The following PTGER3 variants were observed in gnomAD, a reference collection of about 807,000 sequenced individuals.
PTGER3 encodes the protein prostaglandin E receptor 3.
PTGER3 carries 22 observed loss-of-function variants against 34.7 expected under a neutral mutation model. The ratio of observed to expected loss-of-function variants is 0.63; its 90% CI spans 0.45 to 0.91. PTGER3 has a LOEUF of 0.91. Among genes scored for constraint, PTGER3 ranks in the 40% least tolerant of loss-of-function variants. PTGER3 has a pLI of 0.00. For synonymous variants in PTGER3, 241 were observed against 230.1 expected (o/e 1.05, Z -0.43); for missense variants, 468 against 519.4 (o/e 0.90, Z 0.96).
chr1:70,883,173 T>C (rs1017150997), intron 4 of PTGER3, among the ~76,000 whole-genome samples: 3 of 152,218 alleles, frequency 2.0e-5, no homozygotes, highest in Non-Finnish European at 4.4e-5. Context: ...AGTTGAAACT[T>C]GTTGAACATG....
intron 4 of PTGER3, among the ~76,000 whole-genome samples, chr1:70,871,409 A>G (rs1300264663): frequency 1.3e-5 from 2 of 152,290 alleles, no homozygotes; most frequent in South Asian, 2.1e-4. Context: ...GGAGATTACA[A>G]TTCAACATCA....
chr1:70,863,763 G>C lies in PTGER3; in HGVS notation c.*24-10904C>G, dbSNP rs559920703. 5.9e-5 allele frequency among the ~76,000 whole-genome samples: 9 copies of C among 152,060 alleles called. No individual in the cohort carries two copies. In the East Asian group the frequency reaches 1.7e-3, roughly 29 times the overall value. On this transcript the variant is annotated intron_variant, in intron 4 of 4. Transcript: ENST00000370931. ...GGCATTTTGGTAGCAATAACAACCT[G>C]AACGAAGGTAGAAAGGTAGGAAAAC...
At chr1:70,973,928 A>G (rs1418844112) in intron 3 of PTGER3, among the ~76,000 whole-genome samples, 1 of 152,152 alleles carries the variant, frequency 6.6e-6, no homozygotes, top group Non-Finnish European at 1.5e-5. Context: ...TGCTAGCCAT[A>G]TGAGCCATAT....
chr1:70,952,773 C>T, exon 4 of PTGER3: 1 of 1,324,910 alleles, frequency 7.5e-7, no homozygotes, highest in Non-Finnish European at 9.7e-7. Flanking sequence ...ACCTGGCTTG[C>T]TGGTAATCTC....
At chr1:70,884,967 G>A (rs988397819) in intron 4 of PTGER3, among the ~76,000 whole-genome samples, 1 of 151,968 alleles carries the variant, frequency 6.6e-6, no homozygotes, top group Non-Finnish European at 1.5e-5. Context: ...CCTTTATTTG[G>A]GACACAACTC....
chr1:70,961,984 TG>T (rs1354703418), intron 2 of PTGER3, among the ~76,000 whole-genome samples: 1 of 152,212 alleles, frequency 6.6e-6, no homozygotes, highest in Non-Finnish European at 1.5e-5. Context: ...CTTTGCCTTT[TG>T]GGGATTTGTA....
intron 1 of PTGER3, among the ~76,000 whole-genome samples, chr1:71,046,147 T>C (rs1363590184): frequency 1.3e-5 from 2 of 149,916 alleles, no homozygotes; most frequent in Non-Finnish European, 3.0e-5. Context: ...TAGCCGGGCG[T>C]GGTGGCGGGC....
At chr1:71,020,271 A>C (rs1166411979) in intron 1 of PTGER3, among the ~76,000 whole-genome samples, 1 of 152,068 alleles carries the variant, frequency 6.6e-6, no homozygotes, top group South Asian at 2.1e-4. Context: ...CATTAAAAAA[A>C]TTAGTAGAAT....
chr1:71,021,670 G>T lies in PTGER3; in HGVS notation c.898-9186C>A, dbSNP rs1242076605. Among the ~76,000 whole-genome samples the T allele has an allele frequency of 3.3e-5, 5 of 151,688 alleles. No individual in the cohort carries two copies. The East Asian group carries it at 9.6e-4, about 29-fold the overall frequency. On this transcript the variant is annotated intron_variant, in intron 1 of 3. Coordinates refer to ENST00000306666, the MANE Select transcript of PTGER3 (RefSeq NM_198719.2). Reference sequence around the variant, plus strand: ...ATATAGTTTCATTTAAACCCCAAATGTTCAATTTTACTCTCATCCATTCAG... The same window carrying T: ...ATATAGTTTCATTTAAACCCCAAATTTTCAATTTTACTCTCATCCATTCAG...
intron 1 of PTGER3, among the ~76,000 whole-genome samples, chr1:71,036,174 C>T (rs1269232095): frequency 1.3e-5 from 2 of 152,166 alleles, no homozygotes; most frequent in Admixed American, 6.5e-5. Flanking sequence ...AAAACCCACA[C>T]AACACTCTGT....
At chr1:70,986,147 C>A (rs967311086) in intron 2 of PTGER3, among the ~76,000 whole-genome samples, 1 of 152,148 alleles carries the variant, frequency 6.6e-6, no homozygotes, top group African/African-American at 2.4e-5. Context: ...ACGGCAACAA[C>A]AGGAAGTTAC....
intron 4 of PTGER3, among the ~76,000 whole-genome samples, chr1:70,934,996 A>T (rs879300281): frequency 6.6e-6 from 1 of 152,308 alleles, no homozygotes; most frequent in East Asian, 1.9e-4. Context: ...CTCTAAACAG[A>T]TCCATCTTGT....
chr1:71,023,520 C>T (rs1658613570), intron 1 of PTGER3, among the ~76,000 whole-genome samples: 1 of 152,002 alleles, frequency 6.6e-6, no homozygotes, highest in South Asian at 2.1e-4. Flanking sequence ...GTGCTATAGG[C>T]CATACCTTTT....
chr1:70,902,978 C>T (rs1830961), intron 4 of PTGER3, among the ~76,000 whole-genome samples: 44,698 of 151,762 alleles, frequency 0.29, 6,812 homozygotes, highest in South Asian at 0.46. Flanking sequence ...AGAAACTTTG[C>T]ATATATAATA....
At position 70,974,525 on chromosome 1, in the gene PTGER3, T is replaced by C. The variant is rs897198487; in HGVS notation, c.1078-137A>G. 16 of 583,776 alleles carry C rather than the reference T, an allele frequency of 2.7e-5. No individual in the cohort carries two copies. In the Admixed American group the frequency reaches 4.3e-4, roughly 16 times the overall value. 36.2% of individuals were successfully genotyped at this position (583,776 alleles called of 1,614,324 possible). A position where few individuals can be genotyped will look rare whatever the true frequency, so the allele number is the denominator to read the frequency against. On this transcript the variant is annotated intron_variant, in intron 2 of 3. Coordinates refer to ENST00000306666, the MANE Select transcript of PTGER3 (RefSeq NM_198719.2). ...TAGATATTACCTTCCTAGGACCATCTCATTTCTACTTCCATGCTTTGACTC... is the reference window on the plus strand; with the variant it reads ...TAGATATTACCTTCCTAGGACCATCCCATTTCTACTTCCATGCTTTGACTC...
intron 1 of PTGER3, among the ~76,000 whole-genome samples, chr1:71,019,666 T>C (rs1186851849): frequency 6.6e-6 from 1 of 152,206 alleles, no homozygotes; most frequent in East Asian, 1.9e-4. Context: ...TAATATTCTA[T>C]CCTTGGATTT....
chr1:70,857,784 T>G (rs899649143), intron 4 of PTGER3, among the ~76,000 whole-genome samples: 21 of 152,178 alleles, frequency 1.4e-4, no homozygotes, highest in Non-Finnish European at 2.5e-4. Context: ...TCCACCCACC[T>G]CAGCCTCCCA....
chr1:70,920,414 T>C (rs557662385), intron 4 of PTGER3, among the ~76,000 whole-genome samples: 1 of 152,232 alleles, frequency 6.6e-6, no homozygotes, highest in Non-Finnish European at 1.5e-5. Context: ...AAGGTCCTAC[T>C]GCGATTGAGC....
chr1:70,868,262 T>G (rs1345688297), intron 4 of PTGER3, among the ~76,000 whole-genome samples: 1 of 152,138 alleles, frequency 6.6e-6, no homozygotes, highest in African/African-American at 2.4e-5. Context: ...TTCACTTTCA[T>G]GAGAAGACTT....
Sources: allele counts gnomAD v4.1 joint callset (sites outside exome capture counted in the v4.1 genomes callset), GRCh38; gene constraint gnomAD v4.1.1; transcripts MANE v1.5; gene names NCBI Gene and HGNC (gene_info 2026-07-23, HGNC 2026-07-21).